The following UBE2Q2 variants were observed in gnomAD, a reference collection of about 807,000 sequenced individuals.
UBE2Q2 encodes the protein ubiquitin conjugating enzyme E2 Q2.
A neutral mutation model predicts 59.9 loss-of-function variants in UBE2Q2; 54 were observed. The observed-to-expected ratio is 0.90, with a 90% CI of 0.72 to 1.13. The LOEUF is 1.13. Among genes scored for constraint, UBE2Q2 ranks in the 50% most tolerant of loss-of-function variants. The probability of loss-of-function intolerance (pLI) is 0.00; values close to 1 mark genes in which losing one functional copy is unlikely to be tolerated. For synonymous variants in UBE2Q2, 165 were observed against 155.2 expected (o/e 1.06, Z -0.47); for missense variants, 433 against 441.9 (o/e 0.98, Z 0.18).
chr15:75,897,948 T>A (rs932451196), intron 12 of UBE2Q2, among the ~76,000 whole-genome samples: 1 of 152,100 alleles, frequency 6.6e-6, no homozygotes, highest in African/African-American at 2.4e-5. Context: ...ATTGCTTACT[T>A]ATGGAAATAG....
chr15:75,876,723 A>C (rs1898105058), intron 6 of UBE2Q2, among the ~76,000 whole-genome samples: 1 of 152,220 alleles, frequency 6.6e-6, no homozygotes, highest in Non-Finnish European at 1.5e-5. Context: ...TAAGTTTTTA[A>C]AGTTTTCATT....
chr15:75,870,212 C>T (rs977030506), intron 4 of UBE2Q2, among the ~76,000 whole-genome samples: 3 of 152,062 alleles, frequency 2.0e-5, no homozygotes, highest in African/African-American at 7.2e-5. Context: ...GGACTACAGG[C>T]GTGTGCCCCA....
chr15:75,872,804 A>G (rs185886796), intron 4 of UBE2Q2, among the ~76,000 whole-genome samples: 3 of 152,200 alleles, frequency 2.0e-5, no homozygotes, highest in African/African-American at 7.2e-5. Context: ...TAACATTTCA[A>G]TGTAAGTTCT....
chr15:75,877,201 A>C (rs1478833342), intron 6 of UBE2Q2, among the ~76,000 whole-genome samples: 1 of 149,558 alleles, frequency 6.7e-6, no homozygotes, highest in Non-Finnish European at 1.5e-5. Context: ...GACCGATTCA[A>C]TTCTAGCATT....
chr15:75,844,642 A>C, intron 1 of UBE2Q2: 1 of 758,354 alleles, frequency 1.3e-6, no homozygotes, highest in Non-Finnish European at 2.0e-6. Flanking sequence ...TTAAGCGGAA[A>C]TCTCATTAGA....
In UBE2Q2 at chr15:75,899,476, T is replaced by C; in HGVS notation, c.*18T>C. The C allele has an allele frequency of 1.3e-6, 2 of 1,590,464 alleles. No individual in the cohort carries two copies. The highest frequency in any genetic ancestry group is 1.7e-6 in the Non-Finnish European group (2 of 1,167,630). ...ATGGCTAAATGTGTTGACTGTTGTA[T>C]GTTTGGACTAATGTTGCTTTAAAGA... On this transcript the variant is annotated 3_prime_UTR_variant, in exon 13 of 13. Transcript: ENST00000267938.
chr15:75,844,129 C>G (rs1305117440), intron 1 of UBE2Q2: 3 of 1,414,138 alleles, frequency 2.1e-6, no homozygotes, highest in Non-Finnish European at 2.8e-6. Flanking sequence ...GGGGGGAGTC[C>G]GCGGCGGCCC....
chr15:75,877,957 A>G lies in UBE2Q2; in HGVS notation c.674-4A>G, dbSNP rs767992490. On this transcript the variant is annotated splice_polypyrimidine_tract_variant and splice_region_variant and intron_variant, in intron 6 of 12. Coordinates refer to ENST00000267938, the MANE Select transcript of UBE2Q2 (RefSeq NM_173469.4). Reference sequence around the variant, plus strand: ...AGTAGCTAACATGCTCTATATCTTAACAGGGATTTATTCAGTGGAACTCAT... The same window carrying G: ...AGTAGCTAACATGCTCTATATCTTAGCAGGGATTTATTCAGTGGAACTCAT... 1 of 1,612,602 alleles carries G rather than the reference A, an allele frequency of 6.2e-7. No individual in the cohort carries two copies. The highest frequency in any genetic ancestry group is 1.1e-5 in the South Asian group (1 of 90,848).
At chr15:75,847,175 CAAT>C (rs1896396417) in intron 1 of UBE2Q2, among the ~76,000 whole-genome samples, 1 of 152,154 alleles carries the variant, frequency 6.6e-6, no homozygotes, top group Non-Finnish European at 1.5e-5. Flanking sequence ...ATCTTCCACT[CAAT>C]AAATGCTTCA....
chr15:75,876,829 A>G (rs1350741114), intron 6 of UBE2Q2, among the ~76,000 whole-genome samples: 1 of 152,148 alleles, frequency 6.6e-6, no homozygotes, highest in Non-Finnish European at 1.5e-5. Context: ...GGAGATTCTA[A>G]TAGTATTAAA....
intron 1 of UBE2Q2, among the ~76,000 whole-genome samples, chr15:75,852,106 G>A (rs1595855206): frequency 6.6e-6 from 1 of 152,012 alleles, no homozygotes; most frequent in East Asian, 1.9e-4. Flanking sequence ...TGAACTCCTG[G>A]GCTCAAGTGA....
At chr15:75,845,183 A>G (rs917450142) in intron 1 of UBE2Q2, among the ~76,000 whole-genome samples, 1 of 152,150 alleles carries the variant, frequency 6.6e-6, no homozygotes, top group African/African-American at 2.4e-5. Flanking sequence ...GGTGCGCTTC[A>G]GGGAAGGCTT....
At chr15:75,847,272 A>G (rs1012249127) in intron 1 of UBE2Q2, among the ~76,000 whole-genome samples, 2 of 152,194 alleles carry the variant, frequency 1.3e-5, no homozygotes, top group Admixed American at 1.3e-4. Flanking sequence ...ACTGCTAAGA[A>G]TTTGTCAAAA....
At chr15:75,869,698 C>T (rs1897682461) in intron 4 of UBE2Q2, among the ~76,000 whole-genome samples, 1 of 152,186 alleles carries the variant, frequency 6.6e-6, no homozygotes, top group Non-Finnish European at 1.5e-5. Context: ...GCTTAATCAC[C>T]TCTTAAAGGT....
chr15:75,880,873 AC>A (rs1230370383), intron 8 of UBE2Q2, among the ~76,000 whole-genome samples: 1 of 152,232 alleles, frequency 6.6e-6, no homozygotes, highest in African/African-American at 2.4e-5. Context: ...CTTTGTACTT[AC>A]AAAAAAGGTA....
intron 2 of UBE2Q2, among the ~76,000 whole-genome samples, chr15:75,855,490 C>CAA (rs35784581): frequency 2.5e-4 from 31 of 124,342 alleles, no homozygotes; most frequent in East Asian, 1.3e-3. Context: ...TACTCCATCT[C>CAA]AAAAAAAAAA....
chr15:75,897,062 G>C lies in UBE2Q2; in HGVS notation c.1096+1G>C, dbSNP rs1463628483. On this transcript the variant is annotated splice_donor_variant, in intron 12 of 12. Coordinates refer to ENST00000267938, the MANE Select transcript of UBE2Q2 (RefSeq NM_173469.4). LOFTEE classifies it high-confidence loss of function. ...ATTGTACAGATACATGAGAAAAATGGTATGTTTAATTCAATAAGTGTTTAT... is the reference window on the plus strand; with the variant it reads ...ATTGTACAGATACATGAGAAAAATGCTATGTTTAATTCAATAAGTGTTTAT... The C allele has an allele frequency of 6.5e-7, 1 of 1,547,098 alleles. No individual in the cohort carries two copies. Among genetic ancestry groups the C allele is most frequent in the Non-Finnish European group, 8.8e-7 (1 of 1,138,784 alleles).
chr15:75,877,920 GATGAA>G (rs1475073951), intron 6 of UBE2Q2, 36 bp from the exon 7 acceptor site: 5 of 1,568,286 alleles, frequency 3.2e-6, no homozygotes, highest in Admixed American at 3.4e-5. Flanking sequence ...ATAGTTATAT[GATGAA>G]ATGAAGAGTA....
At chr15:75,854,151 T>C (rs552833517) in intron 1 of UBE2Q2, among the ~76,000 whole-genome samples, 27 of 152,276 alleles carry the variant, frequency 1.8e-4, no homozygotes, top group African/African-American at 6.0e-4. Flanking sequence ...AGAGGCTGCC[T>C]ACCAGTGTTG....
Sources: gnomAD v4.1 joint callset for allele counts (sites outside exome capture counted in the v4.1 genomes callset) on GRCh38, gnomAD v4.1.1 for gene constraint, MANE v1.5 for transcripts, NCBI Gene and HGNC (gene_info 2026-07-23, HGNC 2026-07-21) for gene names.